The following ANKRD13C variants were observed in gnomAD, a reference collection of about 807,000 sequenced individuals.
ANKRD13C encodes ankyrin repeat domain 13C.
In ANKRD13C, 16 loss-of-function variants were observed where a neutral mutation model predicts 65.5. That is an observed-to-expected ratio of 0.24 (90% CI 0.17 to 0.37). The LOEUF (loss-of-function observed/expected upper bound fraction) is 0.37. Ranked by LOEUF, ANKRD13C falls within the 10% of genes least tolerant of loss-of-function variation. The pLI, the probability that ANKRD13C is intolerant of heterozygous loss-of-function variation, is 1.00. For synonymous variants in ANKRD13C, 235 were observed against 238.7 expected (o/e 0.98, Z 0.14); for missense variants, 503 against 655.9 (o/e 0.77, Z 2.55).
At chr1:70,317,131 T>G (rs1383068193) in intron 3 of ANKRD13C, among the ~76,000 whole-genome samples, 1 of 152,086 alleles carries the variant, frequency 6.6e-6, no homozygotes, top group African/African-American at 2.4e-5. Context: ...TAGTAGGAGC[T>G]ATTCTTATTT....
intron 1 of ANKRD13C, among the ~76,000 whole-genome samples, chr1:70,348,389 C>T (rs957154065): frequency 5.3e-5 from 8 of 152,030 alleles, no homozygotes; most frequent in African/African-American, 1.9e-4. Flanking sequence ...CCTCAGCCTC[C>T]CGAGTAGCTA....
chr1:70,296,518 C>G (rs1015228187), intron 7 of ANKRD13C, among the ~76,000 whole-genome samples: 14 of 152,004 alleles, frequency 9.2e-5, no homozygotes, highest in Admixed American at 3.3e-4. Flanking sequence ...TACTATTATC[C>G]TGTTATAGAT....
intron 1 of ANKRD13C, among the ~76,000 whole-genome samples, chr1:70,351,771 A>C (rs1482304314): frequency 6.6e-6 from 1 of 152,208 alleles, no homozygotes; most frequent in Admixed American, 6.5e-5. Flanking sequence ...TATCCTAAAA[A>C]TCTAAAAGCA....
In ANKRD13C at chr1:70,278,206, G is replaced by A. The variant is rs866450107; in HGVS notation, c.1216-1362C>T. ...CCTGCCTCACAGAAAAAAAAAAAAA[G>A]AACTGGCCAGGCGTGGTGGCTCATG... On this transcript the variant is annotated intron_variant, in intron 9 of 12. Coordinates refer to ENST00000370944, the MANE Select transcript of ANKRD13C (RefSeq NM_030816.5). Among the ~76,000 whole-genome samples, 79 of 141,306 alleles carry A rather than the reference G, an allele frequency of 5.6e-4. No individual in the cohort carries two copies. In the Middle Eastern group the frequency reaches 0.018, roughly 33 times the overall value. 92.7% of individuals were successfully genotyped at this position (141,306 alleles called of 152,430 possible).
At chr1:70,306,324 T>C in intron 5 of ANKRD13C, 34 bp from the exon 6 acceptor site, 1 of 1,383,024 alleles carries the variant, frequency 7.2e-7, no homozygotes. Flanking sequence ...AAAAAATAAC[T>C]ACCTAAATTT....
At chr1:70,339,815 A>T (rs1418171708) in intron 1 of ANKRD13C, among the ~76,000 whole-genome samples, 11 of 1,400 alleles carry the variant, frequency 7.9e-3, no homozygotes, top group Non-Finnish European at 0.012. Context: ...CAGTACGTTT[A>T]TTATTATTAT....
chr1:70,314,532 A>AATTTT (rs1443525290), intron 4 of ANKRD13C, among the ~76,000 whole-genome samples: 1 of 151,898 alleles, frequency 6.6e-6, no homozygotes, highest in Non-Finnish European at 1.5e-5. Flanking sequence ...GCCGAAAAAA[A>AATTTT]ATTTTATTTT....
At chr1:70,293,013 C>T (rs1679925202) in intron 8 of ANKRD13C, among the ~76,000 whole-genome samples, 1 of 152,124 alleles carries the variant, frequency 6.6e-6, no homozygotes, top group Non-Finnish European at 1.5e-5. Context: ...ACAAGAATCT[C>T]TAGTACAACC....
chr1:70,279,057 AG>A (rs1245617571), intron 9 of ANKRD13C, among the ~76,000 whole-genome samples: 1 of 151,728 alleles, frequency 6.6e-6, no homozygotes, highest in Non-Finnish European at 1.5e-5. Flanking sequence ...AAAAAAAAAA[AG>A]TAGCCAGGCA....
At chr1:70,350,517 A>AG (rs1267347570) in intron 1 of ANKRD13C, among the ~76,000 whole-genome samples, 1 of 152,244 alleles carries the variant, frequency 6.6e-6, no homozygotes, top group Non-Finnish European at 1.5e-5. Flanking sequence ...GGGCCGTTAT[A>AG]TAAAAAAGAA....
At chr1:70,338,413 T>C (rs1364795762) in intron 1 of ANKRD13C, among the ~76,000 whole-genome samples, 1 of 152,168 alleles carries the variant, frequency 6.6e-6, no homozygotes, top group East Asian at 1.9e-4. Flanking sequence ...TTTGTGTGTG[T>C]GTGTGTGAGA....
chr1:70,269,150 G>A lies in ANKRD13C; in HGVS notation c.1495+1706C>T, dbSNP rs563440092. Among the ~76,000 whole-genome samples the A allele has an allele frequency of 9.3e-5, 14 of 151,238 alleles. 1 individual carries two copies. The South Asian group carries it at 2.3e-3, about 25-fold the overall frequency. On this transcript the variant is annotated intron_variant, in intron 12 of 12. Transcript: ENST00000370944. ...CATACACAGGAGGAAGTTTTACAGG[G>A]TTGGTTCAAAAGAAGGACAGAGAAA... is the stretch of plus-strand genomic sequence containing the variant.
At chr1:70,325,862 C>T (rs909029872) in intron 2 of ANKRD13C, among the ~76,000 whole-genome samples, 4 of 149,910 alleles carry the variant, frequency 2.7e-5, no homozygotes, top group East Asian at 4.1e-4. Flanking sequence ...CCAGATGACA[C>T]AGCGAGATTC....
At chr1:70,282,501 T>G (rs1679441527) in intron 9 of ANKRD13C, among the ~76,000 whole-genome samples, 1 of 152,170 alleles carries the variant, frequency 6.6e-6, no homozygotes, top group Non-Finnish European at 1.5e-5. Flanking sequence ...AAAATAATCT[T>G]TTATCTTGTT....
intron 12 of ANKRD13C, among the ~76,000 whole-genome samples, chr1:70,266,728 C>T (rs948584136): frequency 2.6e-5 from 4 of 152,062 alleles, no homozygotes; most frequent in African/African-American, 7.2e-5. Flanking sequence ...TTTAAGTTTC[C>T]AAGTGTTTGG....
intron 8 of ANKRD13C, 125 bp downstream of exon 8, chr1:70,296,005 G>A: frequency 9.3e-7 from 1 of 1,073,442 alleles, no homozygotes; most frequent in Non-Finnish European, 1.3e-6. Flanking sequence ...CTGGATTCAA[G>A]GAAGAGAGAA....
rs778083551 is a variant in ANKRD13C at position 70,274,711 on chromosome 1, C to G, written c.1394+9G>C. 2 of 1,590,130 alleles carry G rather than the reference C, an allele frequency of 1.3e-6. No homozygotes were observed. The highest frequency in any genetic ancestry group is 1.7e-5 in the Admixed American group (1 of 59,878). ...TTTCATAAACATTTGTAGTTAGTAA[C>G]AAACTTACAACTCTATCCCTAAGGG... is the stretch of plus-strand genomic sequence containing the variant. On this transcript the variant is annotated intron_variant, in intron 11 of 12. Transcript: ENST00000370944.
chr1:70,316,398 G>C (rs1323187991), intron 3 of ANKRD13C, among the ~76,000 whole-genome samples: 1 of 151,650 alleles, frequency 6.6e-6, no homozygotes, highest in African/African-American at 2.4e-5. Context: ...AGTAAGAATA[G>C]AAGTAAGGGC....
intron 6 of ANKRD13C, among the ~76,000 whole-genome samples, chr1:70,301,731 C>A (rs1680364019): frequency 6.6e-6 from 1 of 152,194 alleles, no homozygotes. Flanking sequence ...GCCTAATGCG[C>A]TGGTCTCAAA....
Sources: gnomAD v4.1 joint callset for allele counts (sites outside exome capture counted in the v4.1 genomes callset) on GRCh38, gnomAD v4.1.1 for gene constraint, MANE v1.5 for transcripts, NCBI Gene and HGNC (gene_info 2026-07-23, HGNC 2026-07-21) for gene names.